The following EPB41 variants were observed in gnomAD, a reference collection of about 807,000 sequenced individuals.
EPB41 encodes erythrocyte membrane protein band 4.1.
A neutral mutation model predicts 108.0 loss-of-function variants in EPB41; 65 were observed. The ratio of observed to expected loss-of-function variants is 0.60; its 90% CI spans 0.49 to 0.74. EPB41 has a LOEUF of 0.74. Ranked by LOEUF, EPB41 falls within the 30% of genes least tolerant of loss-of-function variation. EPB41 has a pLI of 0.00. For synonymous variants in EPB41, 336 were observed against 358.9 expected (o/e 0.94, Z 0.72); for missense variants, 875 against 1,037.0 (o/e 0.84, Z 2.15).
chr1:29,038,713 A>G (rs1172160835), intron 10 of EPB41, among the ~76,000 whole-genome samples: 1 of 152,236 alleles, frequency 6.6e-6, no homozygotes, highest in Non-Finnish European at 1.5e-5. Flanking sequence ...AGTATGGTAC[A>G]AAGAGTACAT....
At chr1:29,015,385 C>G (rs1295899643) in intron 5 of EPB41, among the ~76,000 whole-genome samples, 1 of 151,784 alleles carries the variant, frequency 6.6e-6, no homozygotes, top group Non-Finnish European at 1.5e-5. Flanking sequence ...TGGAGAAATC[C>G]TGTCTCTACT....
intron 1 of EPB41, among the ~76,000 whole-genome samples, chr1:28,963,898 C>T (rs954392370): frequency 6.6e-6 from 1 of 152,148 alleles, no homozygotes; most frequent in Non-Finnish European, 1.5e-5. Flanking sequence ...AACAGTCATC[C>T]TTCAGTTAGT....
intron 16 of EPB41, among the ~76,000 whole-genome samples, chr1:29,095,966 A>T (rs984945732): frequency 3.9e-5 from 6 of 152,202 alleles, no homozygotes; most frequent in Non-Finnish European, 7.4e-5. Context: ...TTAGGTTGGA[A>T]CTGCTTAAGC....
intron 1 of EPB41, among the ~76,000 whole-genome samples, chr1:28,975,147 G>T (rs2095574207): frequency 6.6e-6 from 1 of 151,996 alleles, no homozygotes; most frequent in Non-Finnish European, 1.5e-5. Context: ...GGTCAGGCTG[G>T]TCTCAAACTC....
chr1:29,079,525 CT>C (rs1428525942), intron 16 of EPB41, among the ~76,000 whole-genome samples: 1 of 151,694 alleles, frequency 6.6e-6, no homozygotes, highest in East Asian at 2.0e-4. Flanking sequence ...ATTCTCCTGC[CT>C]CAGCTTCCCA....
chr1:28,945,261 G>T (rs1008120334), intron 1 of EPB41, among the ~76,000 whole-genome samples: 4 of 151,812 alleles, frequency 2.6e-5, no homozygotes, highest in African/African-American at 9.7e-5. Flanking sequence ...TAATTATCTG[G>T]TGGTGAAAAT....
chr1:28,969,229 C>T (rs562969250), intron 1 of EPB41, among the ~76,000 whole-genome samples: 9 of 151,542 alleles, frequency 5.9e-5, no homozygotes, highest in Non-Finnish European at 1.2e-4. Flanking sequence ...GGATTACAGG[C>T]ACCCACCACC....
chr1:28,905,148 G>A (rs763160270), intron 1 of EPB41, among the ~76,000 whole-genome samples: 5 of 151,984 alleles, frequency 3.3e-5, no homozygotes, highest in Non-Finnish European at 7.4e-5. Context: ...GCAGTGAGGC[G>A]AGATTGCGCC....
intron 1 of EPB41, among the ~76,000 whole-genome samples, chr1:28,942,692 G>A (rs2094338192): frequency 2.0e-5 from 3 of 152,176 alleles, no homozygotes; most frequent in Admixed American, 1.3e-4. Context: ...TGGGACATGG[G>A]TGATCAGCTC....
chr1:29,097,668 A>G (rs968164290), intron 16 of EPB41, 139 bp from the exon 17 acceptor site: 1 of 999,676 alleles, frequency 1.0e-6, no homozygotes, highest in Non-Finnish European at 1.5e-6. Flanking sequence ...TCGAAGTCTT[A>G]GGCAGGGTAA....
At chr1:29,097,556 C>T (rs1663656357) in intron 16 of EPB41, 1 of 521,984 alleles carries the variant, frequency 1.9e-6, no homozygotes, top group Admixed American at 3.2e-5. Flanking sequence ...TAACTGTCTG[C>T]TCTTACAGCT....
chr1:29,020,079 T>C (rs961312172), intron 7 of EPB41, among the ~76,000 whole-genome samples: 8 of 152,166 alleles, frequency 5.3e-5, no homozygotes, highest in Non-Finnish European at 1.2e-4. Flanking sequence ...TTTTTTATTT[T>C]TATTTTTGAG....
upstream of EPB41, among the ~76,000 whole-genome samples, chr1:28,913,925 C>T (rs2092390763): frequency 6.6e-6 from 1 of 152,114 alleles, no homozygotes; most frequent in Non-Finnish European, 1.5e-5. Flanking sequence ...ATTAGGAGAT[C>T]CTTAAATGCA....
chr1:29,028,999 A>C (rs1393724950), intron 7 of EPB41, among the ~76,000 whole-genome samples: 1 of 151,586 alleles, frequency 6.6e-6, no homozygotes, highest in Admixed American at 6.6e-5. Flanking sequence ...CTGTGTTTGC[A>C]CCATTGCACT....
At chr1:28,889,465 A>T (rs573880293) in intron 1 of EPB41, among the ~76,000 whole-genome samples, 1 of 152,364 alleles carries the variant, frequency 6.6e-6, no homozygotes, top group African/African-American at 2.4e-5. Flanking sequence ...AGGTGCCAAC[A>T]GAAGCTCCCA....
intron 1 of EPB41, among the ~76,000 whole-genome samples, chr1:28,899,505 C>A (rs567383395): frequency 1.2e-4 from 18 of 152,264 alleles, no homozygotes; most frequent in East Asian, 5.8e-4. Context: ...TCCGATGATG[C>A]CACTGCAGGC....
chr1:29,108,748 G>A (rs900926568), intron 17 of EPB41, among the ~76,000 whole-genome samples: 1 of 150,452 alleles, frequency 6.6e-6, no homozygotes, highest in African/African-American at 2.4e-5. Flanking sequence ...GTAGACACAG[G>A]GTTTCACTCT....
chr1:29,099,283 AAAAG>A (rs1341341605), intron 17 of EPB41, among the ~76,000 whole-genome samples: 1 of 151,010 alleles, frequency 6.6e-6, no homozygotes, highest in Non-Finnish European at 1.5e-5. Flanking sequence ...AAAAAAAAAA[AAAAG>A]AAGAAGAAGA....
intron 1 of EPB41, among the ~76,000 whole-genome samples, chr1:28,973,327 G>A (rs1256197444): frequency 6.6e-6 from 1 of 152,038 alleles, no homozygotes; most frequent in East Asian, 1.9e-4. Context: ...TATTGGGGGT[G>A]GGGGAGAAAT....
Sources: allele counts gnomAD v4.1 joint callset (sites outside exome capture counted in the v4.1 genomes callset), GRCh38; gene constraint gnomAD v4.1.1; transcripts MANE v1.5; gene names NCBI Gene and HGNC (gene_info 2026-07-23, HGNC 2026-07-21).